Variants in PTPRZ1 observed in about 807,000 individuals in gnomAD.
PTPRZ1 encodes the protein protein tyrosine phosphatase receptor type Z1, also known as receptor-type tyrosine-protein phosphatase zeta.
In PTPRZ1, 82 loss-of-function variants were observed where a neutral mutation model predicts 214.1. That is an observed-to-expected ratio of 0.38 (90% CI 0.32 to 0.46). The LOEUF (loss-of-function observed/expected upper bound fraction) is 0.46, where lower values mean the gene tolerates loss of function less well. PTPRZ1 is among the 20% of genes least tolerant of loss of function. The pLI is 1.00. For missense variants in PTPRZ1, 2,603 were observed against 2,748.7 expected (o/e 0.95, Z 1.19); for synonymous variants, 945 against 987.9 (o/e 0.96, Z 0.81).
chr7:122,019,621 A>T (rs915183051), intron 13 of PTPRZ1, among the ~76,000 whole-genome samples: 2 of 145,396 alleles, frequency 1.4e-5, no homozygotes, highest in African/African-American at 5.5e-5. Flanking sequence ...CATTTTTTAT[A>T]TAATAACAAG....
chr7:121,949,196 G>T (rs1461304406), intron 2 of PTPRZ1, among the ~76,000 whole-genome samples: 1 of 152,150 alleles, frequency 6.6e-6, no homozygotes, highest in African/African-American at 2.4e-5. Context: ...GAGACAAATG[G>T]CTGCATTATT....
chr7:122,025,628 G>A (rs1186891895), intron 13 of PTPRZ1, among the ~76,000 whole-genome samples: 1 of 152,180 alleles, frequency 6.6e-6, no homozygotes, highest in African/African-American at 2.4e-5. Context: ...ACCACGCCCA[G>A]CCAAAACAGT....
intron 6 of PTPRZ1, among the ~76,000 whole-genome samples, chr7:121,981,941 A>AT (rs1175413554): frequency 3.9e-5 from 6 of 152,200 alleles, no homozygotes; most frequent in South Asian, 2.1e-4. Flanking sequence ...TATAAGTAAT[A>AT]TTTTTTGTGT....
chr7:122,040,681 C>T (rs1386822550), intron 20 of PTPRZ1, 135 bp from the exon 21 acceptor site: 10 of 583,584 alleles, frequency 1.7e-5, no homozygotes, highest in Middle Eastern at 5.1e-4. Flanking sequence ...TCATTATGGA[C>T]CCTCAACATC....
At chr7:121,939,961 G>A (rs896831570) in intron 2 of PTPRZ1, among the ~76,000 whole-genome samples, 21 of 152,144 alleles carry the variant, frequency 1.4e-4, no homozygotes, top group African/African-American at 4.6e-4. Flanking sequence ...AAATCAACAT[G>A]GGTGAAAAAT....
intron 1 of PTPRZ1, among the ~76,000 whole-genome samples, chr7:121,877,015 C>T (rs977865844): frequency 6.6e-6 from 1 of 152,070 alleles, no homozygotes; most frequent in Non-Finnish European, 1.5e-5. Context: ...AAATGGAACC[C>T]CCTCAGTCAG....
At chr7:122,059,989 G>A in intron 29 of PTPRZ1, 101 bp downstream of exon 29, 1 of 1,155,258 alleles carries the variant, frequency 8.7e-7, no homozygotes. Context: ...CTTATTAACT[G>A]ATAACATTAG....
intron 18 of PTPRZ1, among the ~76,000 whole-genome samples, chr7:122,038,153 C>G (rs1218733947): frequency 6.6e-6 from 1 of 152,116 alleles, no homozygotes; most frequent in Non-Finnish European, 1.5e-5. Flanking sequence ...TTATTTCCAC[C>G]TGGTTCCTCC....
At chr7:122,050,577 TAAG>T (rs758597123) in intron 23 of PTPRZ1, among the ~76,000 whole-genome samples, 5 of 151,906 alleles carry the variant, frequency 3.3e-5, no homozygotes, top group Non-Finnish European at 7.4e-5. Flanking sequence ...AAAACTTAAA[TAAG>T]AAAAATAAAT....
At chr7:121,975,137 T>C (rs1185650870) in intron 4 of PTPRZ1, among the ~76,000 whole-genome samples, 1 of 152,138 alleles carries the variant, frequency 6.6e-6, no homozygotes, top group Non-Finnish European at 1.5e-5. Context: ...CAATGAGCCA[T>C]GATCATGCCA....
chr7:122,010,750 T>C lies in PTPRZ1; in HGVS notation c.1704T>C (p.Tyr568=). ...TAAATACAGTTTCTATAACAGAATA[T>C]GAGGAGGAGAGTTTATTGACCAGTT... ...ESLNTVSITE[Y]EEESLLTSFK... is the part of the protein sequence containing the mutation. Residue 568 remains tyrosine (Y), a synonymous_variant, in exon 12 of 30, where the codon TAT becomes TAC. Transcript: ENST00000393386. The C allele has an allele frequency of 6.2e-7, 1 of 1,613,944 alleles. No individual in the cohort carries two copies. Among genetic ancestry groups the C allele is most frequent in the Non-Finnish European group, 8.5e-7 (1 of 1,179,956 alleles).
intron 1 of PTPRZ1, among the ~76,000 whole-genome samples, chr7:121,895,807 G>C (rs957351269): frequency 3.9e-5 from 6 of 152,142 alleles, no homozygotes; most frequent in African/African-American, 1.4e-4. Context: ...TCAGATATTA[G>C]GCAGTTCTCA....
At chr7:122,003,471 T>C (rs1798385526) in intron 10 of PTPRZ1, among the ~76,000 whole-genome samples, 1 of 152,196 alleles carries the variant, frequency 6.6e-6, no homozygotes, top group African/African-American at 2.4e-5. Context: ...CCCAGCAGTC[T>C]TGGTAAAAAA....
chr7:122,028,582 A>G lies in PTPRZ1; in HGVS notation c.5019A>G (p.Leu1673=). The G allele has an allele frequency of 1.3e-6, 2 of 1,545,626 alleles. No homozygotes were observed. The highest frequency in any genetic ancestry group is 4.5e-5 in the East Asian group (2 of 44,418). ...RKCFQTAHFY[L]EDSTSPRVIS... ...GCTTCCAGACTGCACACTTTTACTT[A>G]GAGGACAGTACATCCCCTAGAGTTA... Residue 1673 remains leucine, a synonymous_variant, in exon 14 of 30, where the codon TTA becomes TTG. Transcript: ENST00000393386.
intron 8 of PTPRZ1, among the ~76,000 whole-genome samples, chr7:121,990,329 C>A (rs35258872): frequency 6.6e-6 from 1 of 151,776 alleles, no homozygotes; most frequent in South Asian, 2.1e-4. Flanking sequence ...TTTGCATTCA[C>A]AGCAGGCGCT....
At chr7:121,878,907 T>C (rs1031645086) in intron 1 of PTPRZ1, among the ~76,000 whole-genome samples, 1 of 149,306 alleles carries the variant, frequency 6.7e-6, no homozygotes, top group South Asian at 2.1e-4. Context: ...AAATAGTTGT[T>C]TGTTGTTGAG....
intron 2 of PTPRZ1, among the ~76,000 whole-genome samples, chr7:121,943,823 A>T (rs1796300502): frequency 6.6e-6 from 1 of 152,188 alleles, no homozygotes; most frequent in African/African-American, 2.4e-5. Context: ...AGATCTGAGG[A>T]GCCAAACGTT....
chr7:121,873,503 C>A lies in PTPRZ1; in HGVS notation c.4C>A (p.Arg2=). The change falls in exon 1 of 30, where the codon CGA becomes AGA. Residue 2 remains arginine, a synonymous_variant. Transcript: ENST00000393386. M[R]ILKRFLACIQ... is the part of the protein sequence containing the mutation. ...AGGGGCCGCAGACCGTCTGGAAATG[C>A]GAATCCTAAAGCGTTTCCTCGCTTG... is the stretch of plus-strand genomic sequence containing the variant. The A allele has an allele frequency of 1.2e-6, 2 of 1,613,932 alleles. No individual in the cohort carries two copies. The highest frequency in any genetic ancestry group is 1.7e-5 in the Admixed American group (1 of 60,030).
At chr7:121,960,574 A>G (rs966171030) in intron 2 of PTPRZ1, among the ~76,000 whole-genome samples, 2 of 152,200 alleles carry the variant, frequency 1.3e-5, no homozygotes, top group African/African-American at 2.4e-5. Flanking sequence ...TGAATAACTT[A>G]CAAACAATTA....
Sources: allele counts gnomAD v4.1 joint callset (sites outside exome capture counted in the v4.1 genomes callset), GRCh38; gene constraint gnomAD v4.1.1; transcripts MANE v1.5; gene names NCBI Gene and HGNC (gene_info 2026-07-23, HGNC 2026-07-21).